Variants in CCDC102B observed in about 807,000 individuals in gnomAD.
CCDC102B encodes the protein coiled-coil domain-containing protein 102B.
Under a neutral mutation model 57.4 loss-of-function variants are expected in CCDC102B, and 75 were observed. The observed-to-expected ratio is 1.31, with a 90% confidence interval of 1.08 to 1.58. The LOEUF (loss-of-function observed/expected upper bound fraction) is 1.58, where lower values mean the gene tolerates loss of function less well. CCDC102B is among the 40% of genes most tolerant of loss of function. The probability of loss-of-function intolerance (pLI) is 0.00; values close to 1 mark genes in which losing one functional copy is unlikely to be tolerated. For synonymous variants in CCDC102B, 206 were observed against 201.9 expected, an observed-to-expected ratio of 1.02 and a Z score of -0.17; for missense variants, 636 against 582.6, an observed-to-expected ratio of 1.09 and a Z score of -0.94.
At chr18:68,991,133 T>TTTG (rs1369209738) in intron 6 of CCDC102B, among the ~76,000 whole-genome samples, 3 of 151,204 alleles carry the variant, frequency 2.0e-5, no homozygotes, top group Non-Finnish European at 4.4e-5. Flanking sequence ...CTTTTTTTTT[T>TTTG]TTTTTCTTAA....
chr18:68,956,724 G>A (rs1326432742), intron 6 of CCDC102B, among the ~76,000 whole-genome samples: 1 of 147,180 alleles, frequency 6.8e-6, no homozygotes, highest in Non-Finnish European at 1.5e-5. Context: ...CACAGTGGTA[G>A]TACTAATTTA....
At chr18:68,724,170 G>T (rs577507507) in intron 2 of CCDC102B, among the ~76,000 whole-genome samples, 4 of 152,166 alleles carry the variant, frequency 2.6e-5, no homozygotes, top group Non-Finnish European at 5.9e-5. Context: ...GCTGAAACAG[G>T]CACCAGGTCC....
At chr18:69,034,520 T>C (rs748491051) in intron 7 of CCDC102B, among the ~76,000 whole-genome samples, 2 of 151,994 alleles carry the variant, frequency 1.3e-5, no homozygotes, top group Non-Finnish European at 2.9e-5. Context: ...TGACCATAAA[T>C]GTCAGATTTT....
intron 6 of CCDC102B, among the ~76,000 whole-genome samples, chr18:68,914,732 T>C (rs2041002437): frequency 6.6e-6 from 1 of 152,222 alleles, no homozygotes; most frequent in Non-Finnish European, 1.5e-5. Flanking sequence ...CTTAAATGTG[T>C]GTATAGCTCA....
chr18:68,812,847 G>A (rs1568264566), intron 1 of CCDC102B, among the ~76,000 whole-genome samples: 1 of 152,086 alleles, frequency 6.6e-6, no homozygotes, highest in Non-Finnish European at 1.5e-5. Flanking sequence ...AATAATTTTG[G>A]TAATCCAAGG....
intron 1 of CCDC102B, among the ~76,000 whole-genome samples, chr18:68,815,674 A>G (rs910100627): frequency 1.3e-4 from 8 of 60,718 alleles, no homozygotes; most frequent in Non-Finnish European, 3.3e-4. Flanking sequence ...ACCTCCATTT[A>G]CATACACACA....
At position 68,897,514 on chromosome 18, in the gene CCDC102B, C is replaced by A. The variant is rs116988359; in HGVS notation, c.1263+86C>A. The A allele has an allele frequency of 9.8e-3, 15,143 of 1,545,912 alleles. 207 individuals carry two copies. Among genetic ancestry groups the A allele is most frequent in the East Asian group, 0.074 (3,295 of 44,496 alleles). On this transcript the variant is annotated intron_variant, in intron 6 of 7. Transcript: ENST00000360242. ...GTCTGTCTTCACTCGTACACGCCTCCACATTTGGATATTTCCTTTTGTGCC... is the reference window on the plus strand; with the variant it reads ...GTCTGTCTTCACTCGTACACGCCTCAACATTTGGATATTTCCTTTTGTGCC...
upstream of CCDC102B, among the ~76,000 whole-genome samples, chr18:68,795,723 T>C (rs2144670598): frequency 1.3e-5 from 2 of 152,282 alleles, no homozygotes; most frequent in Middle Eastern, 6.8e-3. Flanking sequence ...CCTGATTACA[T>C]CTTCAAAGAC....
chr18:68,787,062 C>T (rs368371743), intron 2 of CCDC102B, among the ~76,000 whole-genome samples: 9 of 149,242 alleles, frequency 6.0e-5, no homozygotes, highest in East Asian at 1.9e-4. Flanking sequence ...TGTCAAAGGC[C>T]TTTTCTGCAT....
intron 6 of CCDC102B, among the ~76,000 whole-genome samples, chr18:68,956,554 T>TTA (rs1555733227): frequency 0.16 from 1,065 of 6,774 alleles, 190 homozygotes; most frequent in African/African-American, 0.29. Context: ...TATATAAATA[T>TTA]TATATATATT....
At chr18:68,923,181 C>G (rs995572367) in intron 6 of CCDC102B, among the ~76,000 whole-genome samples, 3 of 148,666 alleles carry the variant, frequency 2.0e-5, no homozygotes, top group African/African-American at 7.4e-5. Context: ...TTTTTTTTTA[C>G]CATTCTGTCC....
At position 69,016,869 on chromosome 18, in the gene CCDC102B, T is replaced by C. The variant is rs556058799; in HGVS notation, c.1434+5765T>C. 9.2e-5 allele frequency among the ~76,000 whole-genome samples: 14 copies of C among 152,290 alleles called. No individual in the cohort carries two copies. In the South Asian group the frequency reaches 2.3e-3, roughly 25 times the overall value. On this transcript the variant is annotated intron_variant, in intron 7 of 7. Transcript: ENST00000360242. ...GAATTTCTTAGCTAAATGATATAAA[T>C]ATATATGGCTCTTAACATTTACAGT... is the stretch of plus-strand genomic sequence containing the variant.
chr18:68,761,379 G>T (rs679650), intron 2 of CCDC102B, among the ~76,000 whole-genome samples: 11,060 of 151,970 alleles, frequency 0.073, 771 homozygotes, highest in African/African-American at 0.18. Flanking sequence ...GGAGAATTCA[G>T]TTTTTAAGTT....
At chr18:68,777,998 C>A (rs2144627975) in intron 2 of CCDC102B, among the ~76,000 whole-genome samples, 1 of 152,208 alleles carries the variant, frequency 6.6e-6, no homozygotes. Flanking sequence ...TAAGGGTATT[C>A]ATTAAACCAC....
chr18:68,975,322 A>G (rs2145272557), intron 6 of CCDC102B, among the ~76,000 whole-genome samples: 1 of 152,172 alleles, frequency 6.6e-6, no homozygotes, highest in East Asian at 1.9e-4. Context: ...TCAATTATTA[A>G]ATATTTAATT....
chr18:68,881,982 A>C (rs1265767892), intron 5 of CCDC102B, among the ~76,000 whole-genome samples: 3 of 152,212 alleles, frequency 2.0e-5, no homozygotes, highest in African/African-American at 7.2e-5. Flanking sequence ...AAGCAAAAGG[A>C]GTTATAATAC....
At chr18:68,887,750 G>A (rs964241428) in intron 5 of CCDC102B, among the ~76,000 whole-genome samples, 1 of 152,138 alleles carries the variant, frequency 6.6e-6, no homozygotes, top group Admixed American at 6.5e-5. Context: ...TTTTAACCTT[G>A]CTAAGTAAAT....
chr18:68,956,593 ATATAT>A (rs2049903905), intron 6 of CCDC102B, among the ~76,000 whole-genome samples: 2 of 58,186 alleles, frequency 3.4e-5, no homozygotes, highest in East Asian at 0.01. Context: ...AATATTATAT[ATATAT>A]TATATATATA....
At position 69,022,222 on chromosome 18, in the gene CCDC102B, T is replaced by TATATATATAAAA. The variant is rs1395799223; in HGVS notation, c.1434+11119_1434+11120insTATATATAAAAA. Among the ~76,000 whole-genome samples, 503 of 94,960 alleles carry TATATATATAAAA rather than the reference T, an allele frequency of 5.3e-3. 4 individuals carry two copies. Among genetic ancestry groups the TATATATATAAAA allele is most frequent in the East Asian group, 0.052 (135 of 2,594 alleles). The allele number at this position is 94,960 out of a possible 152,430, so 62.3% of individuals were successfully genotyped here. ...ATATATATATATATATATATATATATAACACACACACACGCGTGCGTGTGC... is the reference window on the plus strand; with the variant it reads ...ATATATATATATATATATATATATATATATATATAAAAAACACACACACACGCGTGCGTGTGC... On this transcript the variant is annotated intron_variant, in intron 7 of 7. Coordinates refer to ENST00000360242, the MANE Select transcript of CCDC102B (RefSeq NM_024781.3).
Sources: gnomAD v4.1 joint callset for allele counts (sites outside exome capture counted in the v4.1 genomes callset) on GRCh38, gnomAD v4.1.1 for gene constraint, MANE v1.5 for transcripts, NCBI Gene and HGNC (gene_info 2026-07-23, HGNC 2026-07-21) for gene names.